The following LMO4 variants were observed in gnomAD, a reference collection of about 807,000 sequenced individuals.
LMO4 encodes the protein LIM domain transcription factor LMO4.
A neutral mutation model predicts 18.5 loss-of-function variants in LMO4; 3 were observed. The ratio of observed to expected loss-of-function variants is 0.16; its 90% CI spans 0.07 to 0.42. LMO4 has a LOEUF of 0.42. LMO4 is among the 10% of genes least tolerant of loss of function. The probability of loss-of-function intolerance (pLI) is 0.99; values close to 1 mark genes in which losing one functional copy is unlikely to be tolerated. For missense variants in LMO4, 121 were observed against 219.9 expected, an observed-to-expected ratio of 0.55 and a Z score of 2.84; for synonymous variants, 100 against 88.1, an observed-to-expected ratio of 1.14 and a Z score of -0.76.
In LMO4 at chr1:87,346,978, C is replaced by T. The variant is rs1650653239; in HGVS notation, c.*2182C>T. The stretch of plus-strand genomic sequence containing the variant: ...TCTTTTTGGCATAAGCACTTATGTC[C>T]CTGATATGTACAAATTCAAAGGAGG... On this transcript the variant is annotated 3_prime_UTR_variant, in exon 5 of 5. Coordinates refer to ENST00000370544, the MANE Select transcript of LMO4 (RefSeq NM_006769.4). 5 of 152,090 alleles carry T rather than the reference C, an allele frequency of 3.3e-5. No homozygotes were observed. The highest frequency in any genetic ancestry group is 2.6e-4 in the Admixed American group (4 of 15,280). 9.4% of individuals were successfully genotyped at this position (152,090 alleles called of 1,614,324 possible).
rs1293972595 is a variant in LMO4 at position 87,329,169 on chromosome 1, C to A, written c.-79C>A. 1 of 152,460 alleles carries A rather than the reference C, an allele frequency of 6.6e-6. No individual in the cohort carries two copies. The highest frequency in any genetic ancestry group is 1.5e-5 in the Non-Finnish European group (1 of 68,148). The allele number at this position is 152,460 out of a possible 1,614,324, so 9.4% of individuals were successfully genotyped here. A position where few individuals can be genotyped will look rare whatever the true frequency, so the allele number is the denominator to read the frequency against. On this transcript the variant is annotated 5_prime_UTR_variant, in exon 1 of 5. Coordinates refer to ENST00000370544, the MANE Select transcript of LMO4 (RefSeq NM_006769.4). ...AGCTCCGCCAGCCCAGGCGCCCCTT[C>A]CCTGGAAGCCGAGCGGCTTCGCTCG... is the stretch of plus-strand genomic sequence containing the variant.
In LMO4 at chr1:87,348,042, A is replaced by T. The variant is rs978596548; in HGVS notation, c.*3246A>T. 1.3e-5 allele frequency: 2 copies of T among 152,198 alleles called. No homozygotes were observed. Among genetic ancestry groups the T allele is most frequent in the African/African-American group, 4.8e-5 (2 of 41,452 alleles). The allele number at this position is 152,198 out of a possible 1,614,324, so 9.4% of individuals were successfully genotyped here. ...ATTAACACTGATATTTGAAACAACT[A>T]ATCATCTAAAAGGAAGCTCTTAAAG... On this transcript the variant is annotated 3_prime_UTR_variant, in exon 5 of 5. Transcript: ENST00000370544.
intron 3 of LMO4, 65 bp downstream of exon 3, chr1:87,339,697 C>T: frequency 1.0e-6 from 1 of 978,810 alleles, no homozygotes; most frequent in South Asian, 1.4e-5. Context: ...TACATGGGGG[C>T]AAAGCATTTC....
At chr1:87,339,888 C>T (rs1402553912) in intron 3 of LMO4, among the ~76,000 whole-genome samples, 159 bp from the exon 4 acceptor site, 2 of 152,114 alleles carry the variant, frequency 1.3e-5, no homozygotes, top group African/African-American at 4.8e-5. Context: ...AGCAATTTGG[C>T]TTACTGTTTT....
At chr1:87,343,129 G>A (rs1362597484) in intron 4 of LMO4, among the ~76,000 whole-genome samples, 1 of 152,130 alleles carries the variant, frequency 6.6e-6, no homozygotes, top group Non-Finnish European at 1.5e-5. Context: ...CTTCTTTAAA[G>A]GCAGTTAATT....
intron 4 of LMO4, among the ~76,000 whole-genome samples, chr1:87,342,668 C>T (rs1430051029): frequency 6.6e-6 from 1 of 152,096 alleles, no homozygotes; most frequent in Non-Finnish European, 1.5e-5. Flanking sequence ...TCCCTGTTGG[C>T]GTAAGTGTCT....
chr1:87,331,861 C>T lies in LMO4; in HGVS notation c.-3-152C>T. 3 of 622,692 alleles carry T rather than the reference C, an allele frequency of 4.8e-6. 1 individual carries two copies. The highest frequency in any genetic ancestry group is 4.0e-5 in the South Asian group (2 of 49,456). The allele number at this position is 622,692 out of a possible 1,614,324, so 38.6% of individuals were successfully genotyped here. A position where few individuals can be genotyped will look rare whatever the true frequency, so the allele number is the denominator to read the frequency against. On this transcript the variant is annotated intron_variant, in intron 1 of 4. Coordinates refer to ENST00000370544, the MANE Select transcript of LMO4 (RefSeq NM_006769.4). ...GCGAGCCTCCCTTCTTCCCTCTCCC[C>T]CTCAGCCTCCTTCCCGCCCTTGCCC...
chr1:87,344,644 G>A (rs760124485), intron 4 of LMO4, 144 bp from the exon 5 acceptor site: 13 of 776,012 alleles, frequency 1.7e-5, no homozygotes, highest in Non-Finnish European at 2.9e-5. Context: ...AAGTAGCATA[G>A]AAAGCCTCTA....
chr1:87,348,623 G>T lies in LMO4; in HGVS notation c.*3827G>T. On this transcript the variant is annotated 3_prime_UTR_variant, in exon 5 of 5. Coordinates refer to ENST00000370544, the MANE Select transcript of LMO4 (RefSeq NM_006769.4). ...GTTAAAGAGGCATTTGTAGCCCTCT[G>T]CTCCCATCGTGAACATGCTGAGAGC... The T allele has an allele frequency of 2.2e-6, 1 of 457,642 alleles. No individual in the cohort carries two copies. Among genetic ancestry groups the T allele is most frequent in the Non-Finnish European group, 4.4e-6 (1 of 227,222 alleles). 28.3% of individuals were successfully genotyped at this position (457,642 alleles called of 1,614,324 possible). A position where few individuals can be genotyped will look rare whatever the true frequency, so the allele number is the denominator to read the frequency against.
Position 87,344,869 on chromosome 1 carries a change from AGTAGACAAGTCACCTTT to A in LMO4, c.*78_*94del. 1 of 1,480,464 alleles carries A rather than the reference AGTAGACAAGTCACCTTT, an allele frequency of 6.8e-7. No homozygotes were observed. Among genetic ancestry groups the A allele is most frequent in the Admixed American group, 1.7e-5 (1 of 59,548 alleles). 91.7% of individuals were successfully genotyped at this position (1,480,464 alleles called of 1,614,324 possible). On this transcript the variant is annotated 3_prime_UTR_variant, in exon 5 of 5. Transcript: ENST00000370544. ...TCACAGGTGGATCCCATGTGTCTTC[AGTAGACAAGTCACCTTT>A]GTAGCTAGCACCAGTGCCAGCTCCA...
intron 1 of LMO4, 166 bp from the exon 2 acceptor site, chr1:87,331,847 T>G: frequency 1.0e-5 from 6 of 593,118 alleles, no homozygotes; most frequent in Admixed American, 6.1e-5. Flanking sequence ...CGAGCCTCCC[T>G]TCTTCCCTCT....
intron 4 of LMO4, among the ~76,000 whole-genome samples, chr1:87,341,958 A>G (rs1372256363): frequency 6.6e-6 from 1 of 152,232 alleles, no homozygotes. Flanking sequence ...TTCAGAATAG[A>G]GGTAAAGCTG....
At chr1:87,332,303 C>A in intron 2 of LMO4, 52 bp downstream of exon 2, 1 of 1,382,982 alleles carries the variant, frequency 7.2e-7, no homozygotes, top group South Asian at 1.2e-5. Context: ...ATGGCAAGGC[C>A]AAAGGTTAAC....
chr1:87,340,768 T>C (rs910755612), intron 4 of LMO4, among the ~76,000 whole-genome samples: 18 of 152,238 alleles, frequency 1.2e-4, no homozygotes, highest in Admixed American at 7.8e-4. Context: ...GAATAAGTTA[T>C]GGCTTTTAAA....
intron 1 of LMO4, chr1:87,331,285 CG>C (rs755311003): frequency 6.6e-5 from 10 of 152,226 alleles, no homozygotes; most frequent in Admixed American, 3.3e-4. Flanking sequence ...TGGGAGATGG[CG>C]GTCACCACAA....
At chr1:87,333,962 A>C (rs1405214822) in intron 2 of LMO4, among the ~76,000 whole-genome samples, 1 of 151,994 alleles carries the variant, frequency 6.6e-6, no homozygotes, top group Non-Finnish European at 1.5e-5. Context: ...AAAACAAAAA[A>C]CAAAAAAAAC....
intron 1 of LMO4, chr1:87,331,719 T>G: frequency 7.2e-6 from 3 of 414,056 alleles, no homozygotes; most frequent in Non-Finnish European, 1.3e-5. Context: ...GAGCCTGCTC[T>G]CGGAGTTTTG....
At chr1:87,341,562 T>TG (rs1307342105) in intron 4 of LMO4, among the ~76,000 whole-genome samples, 3 of 152,118 alleles carry the variant, frequency 2.0e-5, no homozygotes, top group Non-Finnish European at 4.4e-5. Flanking sequence ...GTGGTGGAGG[T>TG]GGGGGTTTGA....
Position 87,346,721 on chromosome 1 carries a change from T to C in LMO4, c.*1925T>C, listed in dbSNP as rs1650645233. ...AGATTGTAAAGGCATAGAGTTGAGGTGAATAGTTTTGTTAGAACCTTATAA... is the reference window on the plus strand; with the variant it reads ...AGATTGTAAAGGCATAGAGTTGAGGCGAATAGTTTTGTTAGAACCTTATAA... On this transcript the variant is annotated 3_prime_UTR_variant, in exon 5 of 5. Transcript: ENST00000370544. 1 of 152,088 alleles carries C rather than the reference T, an allele frequency of 6.6e-6. No individual in the cohort carries two copies. The highest frequency in any genetic ancestry group is 1.5e-5 in the Non-Finnish European group (1 of 68,016). The allele number at this position is 152,088 out of a possible 1,614,324, so 9.4% of individuals were successfully genotyped here.
Sources: gnomAD v4.1 joint callset for allele counts (sites outside exome capture counted in the v4.1 genomes callset) on GRCh38, gnomAD v4.1.1 for gene constraint, MANE v1.5 for transcripts, NCBI Gene and HGNC (gene_info 2026-07-23, HGNC 2026-07-21) for gene names.